Variants in ZNF292 observed in about 807,000 individuals in gnomAD.
The protein encoded by ZNF292 is 16 zinc-finger domain protein.
A neutral mutation model predicts 217.9 loss-of-function variants in ZNF292; 26 were observed. That is an observed-to-expected ratio of 0.12 (90% CI 0.09 to 0.17). The LOEUF (loss-of-function observed/expected upper bound fraction) is 0.17, where lower values mean the gene tolerates loss of function less well. ZNF292 is among the 10% of genes least tolerant of loss of function. ZNF292 has a pLI of 1.00. For missense variants in ZNF292, 2,904 were observed against 3,175.2 expected, an observed-to-expected ratio of 0.91 and a Z score of 2.05; for synonymous variants, 1,257 against 1,124.1, an observed-to-expected ratio of 1.12 and a Z score of -2.37.
At chr6:87,226,154 T>G (rs953508909) in intron 4 of ZNF292, among the ~76,000 whole-genome samples, 2 of 152,218 alleles carry the variant, frequency 1.3e-5, no homozygotes, top group African/African-American at 2.4e-5. Context: ...TTGCATAAAT[T>G]GCAGTTTTGT....
chr6:87,215,623 C>T (rs1030866118), intron 1 of ZNF292, among the ~76,000 whole-genome samples: 7 of 152,102 alleles, frequency 4.6e-5, no homozygotes, highest in Non-Finnish European at 1.0e-4. Flanking sequence ...TTAAAACTTA[C>T]TAGGGAATAG....
At chr6:87,247,536 C>T (rs981991554) in intron 7 of ZNF292, among the ~76,000 whole-genome samples, 3 of 151,966 alleles carry the variant, frequency 2.0e-5, no homozygotes, top group Non-Finnish European at 2.9e-5. Flanking sequence ...TTCAGAAATC[C>T]GTATGCCAAG....
intron 5 of ZNF292, among the ~76,000 whole-genome samples, chr6:87,241,418 T>G: frequency 1.4e-5 from 1 of 70,552 alleles, no homozygotes; most frequent in South Asian, 6.4e-4. Flanking sequence ...AGAGCTTGGA[T>G]TTTTTTTTTT....
intron 5 of ZNF292, among the ~76,000 whole-genome samples, chr6:87,240,741 A>G (rs930122134): frequency 3.3e-5 from 5 of 152,212 alleles, no homozygotes; most frequent in Admixed American, 1.3e-4. Context: ...TAGGTTTTAG[A>G]AGAACAACAA....
intron 4 of ZNF292, among the ~76,000 whole-genome samples, chr6:87,220,082 C>G (rs1302312258): frequency 6.6e-6 from 1 of 152,144 alleles, no homozygotes. Flanking sequence ...CCACCTCAGC[C>G]TTTCATAGTG....
chr6:87,252,516 T>G (rs1774972603), intron 7 of ZNF292, among the ~76,000 whole-genome samples: 1 of 152,212 alleles, frequency 6.6e-6, no homozygotes, highest in South Asian at 2.1e-4. Flanking sequence ...TCACACTGCT[T>G]CTCAGAACTT....
At chr6:87,205,798 A>G (rs773486222) in intron 1 of ZNF292, among the ~76,000 whole-genome samples, 19 of 151,316 alleles carry the variant, frequency 1.3e-4, no homozygotes, top group Non-Finnish European at 2.7e-4. Flanking sequence ...TTTATTTTCT[A>G]TGTCATTTAT....
intron 1 of ZNF292, among the ~76,000 whole-genome samples, chr6:87,177,485 T>C (rs1771339945): frequency 6.6e-6 from 1 of 152,216 alleles, no homozygotes; most frequent in African/African-American, 2.4e-5. Context: ...CATAGTTTTC[T>C]TGCCATAGGA....
chr6:87,221,691 G>A (rs1283659465), intron 4 of ZNF292, among the ~76,000 whole-genome samples: 3 of 151,916 alleles, frequency 2.0e-5, no homozygotes, highest in Non-Finnish European at 4.4e-5. Context: ...ACATATTTAT[G>A]GAAGTCTTCT....
At position 87,256,199 on chromosome 6, in the gene ZNF292, T is replaced by G; in HGVS notation, c.2570T>G (p.Val857Gly). 6.2e-7 allele frequency: 1 copy of G among 1,613,834 alleles called. No homozygotes were observed. Among genetic ancestry groups the G allele is most frequent in the Non-Finnish European group, 8.5e-7 (1 of 1,179,800 alleles). The stretch of plus-strand genomic sequence containing the variant: ...GGAGATTCCATTCAGCCTTCTGAAG[T>G]GAATCAGAACACAGCAGAGAATATT... ...SSGDSIQPSE[V>G]NQNTAENIEK... is the part of the protein sequence containing the mutation. The change falls in exon 8 of 8, where the codon GTG (valine) becomes GGG (glycine). Residue 857 changes from valine to glycine, a missense_variant. Val to Gly is a moderately radical substitution (Grantham distance 109). This residue lies in a region of ZNF292 where 687 missense variants were observed against 623.0 expected (regional missense o/e 1.10). Coordinates refer to ENST00000369577, the MANE Select transcript of ZNF292 (RefSeq NM_015021.3).
chr6:87,239,921 A>G (rs9359740), intron 5 of ZNF292, among the ~76,000 whole-genome samples: 94,170 of 149,692 alleles, frequency 0.63, 31,033 homozygotes, highest in African/African-American at 0.84. Context: ...GTGGCCAGGC[A>G]GAGACGCTCC....
chr6:87,217,683 C>G (rs541446266), intron 3 of ZNF292, among the ~76,000 whole-genome samples: 1 of 152,158 alleles, frequency 6.6e-6, no homozygotes, highest in Admixed American at 6.5e-5. Context: ...GGAAGTAACT[C>G]TTTACATCCC....
chr6:87,262,580 T>A lies in ZNF292; in HGVS notation c.*779T>A, dbSNP rs1766404595. 2 of 151,870 alleles carry A rather than the reference T, an allele frequency of 1.3e-5. No individual in the cohort carries two copies. Among genetic ancestry groups the A allele is most frequent in the Non-Finnish European group, 1.5e-5 (1 of 67,870 alleles). The allele number at this position is 151,870 out of a possible 1,614,324, so 9.4% of individuals were successfully genotyped here. ...CCATGAAATACAATGGAAATGTGAATAAAGAATTTACTACATTGAAGATTT... is the reference window on the plus strand; with the variant it reads ...CCATGAAATACAATGGAAATGTGAAAAAAGAATTTACTACATTGAAGATTT... On this transcript the variant is annotated 3_prime_UTR_variant, in exon 8 of 8. Transcript: ENST00000369577.
intron 1 of ZNF292, among the ~76,000 whole-genome samples, chr6:87,183,733 G>T (rs559459788): frequency 1.2e-4 from 19 of 152,272 alleles, no homozygotes; most frequent in African/African-American, 4.6e-4. Flanking sequence ...AGTCACATGG[G>T]TATAACAGTT....
Position 87,259,067 on chromosome 6 carries a change from C to T in ZNF292, c.5438C>T (p.Ser1813Phe). 2.5e-6 allele frequency: 4 copies of T among 1,613,338 alleles called. No individual in the cohort carries two copies. The highest frequency in any genetic ancestry group is 2.5e-6 in the Non-Finnish European group (3 of 1,179,616). Residue 1813 changes from serine to phenylalanine, a missense_variant, in exon 8 of 8, where the codon TCC becomes TTC. Around this residue, in one of 15 missense-constraint regions of ZNF292, gnomAD observed 622 missense variants for 573.1 expected, o/e 1.09. Coordinates refer to ENST00000369577, the MANE Select transcript of ZNF292 (RefSeq NM_015021.3). ...NNKLPDSSPF[S>F]SFISVMPTKS... ...AAATTACCCGATTCTTCTCCGTTTT[C>T]CTCCTTTATAAGTGTCATGCCAACA...
chr6:87,181,435 T>C (rs1468117977), intron 1 of ZNF292, among the ~76,000 whole-genome samples: 1 of 152,086 alleles, frequency 6.6e-6, no homozygotes, highest in Non-Finnish European at 1.5e-5. Flanking sequence ...CTCTTGACAT[T>C]CAGCAGTTTG....
At chr6:87,239,496 ACCTCCCTCCCTGATGGGGCGGC>A (rs1352938867) in intron 5 of ZNF292, among the ~76,000 whole-genome samples, 21 of 75,460 alleles carry the variant, frequency 2.8e-4, no homozygotes, top group Non-Finnish European at 4.0e-4. Flanking sequence ...GCTGCCCCCC[ACCTCCCTCCCTGATGGGGCGGC>A]TGGCCGGGCG....
chr6:87,181,284 G>T (rs1223567340), intron 1 of ZNF292, among the ~76,000 whole-genome samples: 5 of 152,132 alleles, frequency 3.3e-5, no homozygotes, highest in Non-Finnish European at 7.4e-5. Context: ...GATGGATGGG[G>T]AGCCAGAAGG....
intron 1 of ZNF292, among the ~76,000 whole-genome samples, chr6:87,166,466 G>C (rs1317318688): frequency 2.0e-5 from 3 of 152,192 alleles, no homozygotes; most frequent in Non-Finnish European, 4.4e-5. Flanking sequence ...AGGGTAGTAA[G>C]AGACACTGGT....
Sources: allele counts gnomAD v4.1 joint callset (sites outside exome capture counted in the v4.1 genomes callset), GRCh38; gene constraint gnomAD v4.1.1; regional missense constraint gnomAD v4.1.1; transcripts MANE v1.5; gene names NCBI Gene and HGNC (gene_info 2026-07-23, HGNC 2026-07-21).